PRKCE: variants seen among roughly 807,000 people sequenced by gnomAD.
PRKCE encodes protein kinase C epsilon.
In PRKCE, 16 loss-of-function variants were observed where a neutral mutation model predicts 85.4. The observed-to-expected ratio is 0.19, with a 90% confidence interval of 0.13 to 0.28. The LOEUF is 0.28. Among genes scored for constraint, PRKCE ranks in the 10% least tolerant of loss-of-function variants. The pLI is 1.00. For synonymous variants in PRKCE, 388 were observed against 371.5 expected (o/e 1.04, Z -0.51); for missense variants, 573 against 975.2 (o/e 0.59, Z 5.49).
intron 10 of PRKCE, among the ~76,000 whole-genome samples, chr2:46,076,064 A>G (rs1022432947): frequency 6.6e-6 from 1 of 152,236 alleles, no homozygotes. Flanking sequence ...GATGCTGGTC[A>G]TGCAATGGAG....
intron 1 of PRKCE, among the ~76,000 whole-genome samples, chr2:45,685,204 T>G (rs563332275): frequency 1.3e-5 from 2 of 152,320 alleles, no homozygotes; most frequent in South Asian, 2.1e-4. Flanking sequence ...AGTTCTCTGA[T>G]GAAAATGAGA....
intron 1 of PRKCE, among the ~76,000 whole-genome samples, chr2:45,684,390 G>A (rs1435422912): frequency 1.3e-5 from 2 of 152,160 alleles, no homozygotes; most frequent in African/African-American, 4.8e-5. Flanking sequence ...GTGCTCACAT[G>A]AACACCACAG....
chr2:45,792,743 A>C (rs577480872), intron 1 of PRKCE, among the ~76,000 whole-genome samples: 1 of 152,326 alleles, frequency 6.6e-6, no homozygotes, highest in East Asian at 1.9e-4. Context: ...GATAATGCTT[A>C]TTGTAAAAGT....
chr2:45,826,790 C>T (rs1689975287), intron 1 of PRKCE, among the ~76,000 whole-genome samples: 1 of 152,218 alleles, frequency 6.6e-6, no homozygotes, highest in South Asian at 2.1e-4. Flanking sequence ...TGCCTCCCCT[C>T]CTTATCTCAC....
At chr2:46,072,685 C>T (rs1668180727) in intron 10 of PRKCE, among the ~76,000 whole-genome samples, 1 of 152,078 alleles carries the variant, frequency 6.6e-6, no homozygotes, top group Non-Finnish European at 1.5e-5. Context: ...CACATAAGCC[C>T]AGTATGGTGT....
intron 1 of PRKCE, among the ~76,000 whole-genome samples, chr2:45,824,375 C>T (rs1179561504): frequency 1.3e-5 from 2 of 152,200 alleles, no homozygotes; most frequent in East Asian, 3.9e-4. Context: ...TTAAAAGCAC[C>T]ACCACCTGCT....
intron 2 of PRKCE, among the ~76,000 whole-genome samples, chr2:45,922,300 G>T (rs972824444): frequency 2.0e-5 from 3 of 152,180 alleles, no homozygotes; most frequent in African/African-American, 7.2e-5. Flanking sequence ...CATATGCAGT[G>T]CTTAATGGAA....
intron 7 of PRKCE, among the ~76,000 whole-genome samples, chr2:46,003,245 G>A (rs578110872): frequency 2.4e-4 from 36 of 152,302 alleles, no homozygotes; most frequent in Non-Finnish European, 4.1e-4. Context: ...GGTAGCCCTC[G>A]TGTTGCCCCT....
At chr2:45,866,826 A>G (rs998960283) in intron 2 of PRKCE, among the ~76,000 whole-genome samples, 1 of 152,236 alleles carries the variant, frequency 6.6e-6, no homozygotes, top group African/African-American at 2.4e-5. Flanking sequence ...GCACATTTAC[A>G]TCATTGTGGA....
rs553126047 is a variant in PRKCE, at chr2:45,854,938, G to T, written c.412+11875G>T. 2.0e-5 allele frequency among the ~76,000 whole-genome samples: 3 copies of T among 152,306 alleles called. No homozygotes were observed. In the South Asian group the frequency reaches 6.2e-4, roughly 32 times the overall value. ...CAGCTTAGTTTAATGTATGGAAAAA[G>T]TCTCCAATAAGCAGAGCTCACCAGC... On this transcript the variant is annotated intron_variant, in intron 2 of 14. Transcript: ENST00000306156.
In PRKCE at chr2:45,678,509, T is replaced by A. The variant is rs1676644185; in HGVS notation, c.348+26061T>A. On this transcript the variant is annotated intron_variant, in intron 1 of 14. Coordinates refer to ENST00000306156, the MANE Select transcript of PRKCE (RefSeq NM_005400.3). Reference sequence around the variant, plus strand: ...TCATTTCCGAACTTTTTTTCAGTTGTAAGGGCATAGAATGAACGTGCACGC... The same window carrying A: ...TCATTTCCGAACTTTTTTTCAGTTGAAAGGGCATAGAATGAACGTGCACGC... 2.0e-5 allele frequency among the ~76,000 whole-genome samples: 3 copies of A among 152,184 alleles called. No homozygotes were observed. The South Asian group carries it at 6.2e-4, about 31-fold the overall frequency.
At chr2:45,717,638 G>T (rs1680250465) in intron 1 of PRKCE, among the ~76,000 whole-genome samples, 1 of 152,152 alleles carries the variant, frequency 6.6e-6, no homozygotes. Context: ...TGTATTTAAT[G>T]GTGATGATGA....
Position 46,184,683 on chromosome 2 carries a change from C to T in PRKCE, c.2068-52C>T, listed in dbSNP as rs1680326821. The T allele has an allele frequency of 1.9e-6, 3 of 1,583,858 alleles. No homozygotes were observed. The highest frequency in any genetic ancestry group is 2.6e-6 in the Non-Finnish European group (3 of 1,172,310). On this transcript the variant is annotated intron_variant, in intron 14 of 14. Coordinates refer to ENST00000306156, the MANE Select transcript of PRKCE (RefSeq NM_005400.3). The surrounding 1 kb of genome is among the most constrained non-coding windows in gnomAD (Gnocchi z 5.0). ...GCGGTGCCCACTCCCCATGGGGGGC[C>T]CTCAGGAGGGAGAGCAGCCTCAACT...
Position 46,184,675 on chromosome 2 carries a change from T to TG in PRKCE, c.2068-54dup, listed in dbSNP as rs1680325789. 1.3e-6 allele frequency: 2 copies of TG among 1,577,430 alleles called. 1 individual carries two copies. Among genetic ancestry groups the TG allele is most frequent in the Middle Eastern group, 3.4e-4 (2 of 5,944 alleles). On this transcript the variant is annotated intron_variant, in intron 14 of 14. Coordinates refer to ENST00000306156, the MANE Select transcript of PRKCE (RefSeq NM_005400.3). The surrounding 1 kb of genome is among the most constrained non-coding windows in gnomAD (Gnocchi z 5.0). ...TGGTCAGTGCGGTGCCCACTCCCCATGGGGGGCCCTCAGGAGGGAGAGCAG... is the reference window on the plus strand; with the variant it reads ...TGGTCAGTGCGGTGCCCACTCCCCATGGGGGGGCCCTCAGGAGGGAGAGCAG...
At chr2:45,703,029 CGT>C in intron 1 of PRKCE, among the ~76,000 whole-genome samples, 4 of 151,772 alleles carry the variant, frequency 2.6e-5, no homozygotes, top group Non-Finnish European at 5.9e-5. Flanking sequence ...TTTCCCCCCC[CGT>C]CAGGAAGTCA....
At position 46,004,701 on chromosome 2, in the gene PRKCE, T is replaced by G. The variant is rs1230077522; in HGVS notation, c.1063+63T>G. The stretch of plus-strand genomic sequence containing the variant: ...TGCCATTGGATGGACCAAGGAGCTC[T>G]GAGGCCTCTTTAACCAAGAGTGAGC... On this transcript the variant is annotated intron_variant, in intron 8 of 14. Coordinates refer to ENST00000306156, the MANE Select transcript of PRKCE (RefSeq NM_005400.3). The surrounding 1 kb of genome is among the most constrained non-coding windows in gnomAD (Gnocchi z 4.1). 6 of 1,382,502 alleles carry G rather than the reference T, an allele frequency of 4.3e-6. No homozygotes were observed. Among genetic ancestry groups the G allele is most frequent in the Non-Finnish European group, 6.0e-6 (6 of 1,006,800 alleles). The allele number at this position is 1,382,502 out of a possible 1,614,324, so 85.6% of individuals were successfully genotyped here.
chr2:45,897,346 C>G (rs1280561985), intron 2 of PRKCE, among the ~76,000 whole-genome samples: 1 of 152,216 alleles, frequency 6.6e-6, no homozygotes, highest in Non-Finnish European at 1.5e-5. Context: ...CCTCAGGACA[C>G]AGCCTGGTAA....
At position 45,919,224 on chromosome 2, in the gene PRKCE, G is replaced by A. The variant is rs1165320229; in HGVS notation, c.413-57205G>A. Among the ~76,000 whole-genome samples, 4 of 152,326 alleles carry A rather than the reference G, an allele frequency of 2.6e-5. No individual in the cohort carries two copies. The East Asian group carries it at 5.8e-4, about 22-fold the overall frequency. ...TTGGGCTCTTGGGCTGATGCCGTAC[G>A]GACAACCTGTCAAGGGAAAGAACAC... On this transcript the variant is annotated intron_variant, in intron 2 of 14. Coordinates refer to ENST00000306156, the MANE Select transcript of PRKCE (RefSeq NM_005400.3).
rs949498896 is a variant in PRKCE at position 46,186,874 on chromosome 2, A to G, written c.*1993A>G. 1 of 152,638 alleles carries G rather than the reference A, an allele frequency of 6.6e-6. No homozygotes were observed. Among genetic ancestry groups the G allele is most frequent in the Non-Finnish European group, 1.5e-5 (1 of 68,046 alleles). The allele number at this position is 152,638 out of a possible 1,614,324, so 9.5% of individuals were successfully genotyped here. On this transcript the variant is annotated 3_prime_UTR_variant, in exon 15 of 15. Transcript: ENST00000306156. ...TTTTATTTTTTAAAAACTCAGGTGT[A>G]ATTATTATCTGTTCTTAAGATAATT...
Sources: gnomAD v4.1 joint callset for allele counts (sites outside exome capture counted in the v4.1 genomes callset) on GRCh38, gnomAD v4.1.1 for gene constraint, Gnocchi (gnomAD v3.1) non-coding constraint, MANE v1.5 for transcripts, NCBI Gene and HGNC (gene_info 2026-07-23, HGNC 2026-07-21) for gene names.